PCDHGA4: variants seen among roughly 807,000 people sequenced by gnomAD.
PCDHGA4 encodes protocadherin gamma subfamily A, 4.
PCDHGA4 carries 38 observed loss-of-function variants against 54.6 expected under a neutral mutation model. The observed-to-expected ratio is 0.70, with a 90% confidence interval of 0.54 to 0.91. The LOEUF is 0.91. Ranked by LOEUF, PCDHGA4 falls within the 40% of genes least tolerant of loss-of-function variation. The pLI, the probability that PCDHGA4 is intolerant of heterozygous loss-of-function variation, is 0.00. For synonymous variants in PCDHGA4, 511 were observed against 512.9 expected, an observed-to-expected ratio of 1.00 and a Z score of 0.05; for missense variants, 1,298 against 1,220.9, an observed-to-expected ratio of 1.06 and a Z score of -0.94.
chr5:141,446,230 G>A (rs548647406), intron 1 of PCDHGA4, among the ~76,000 whole-genome samples: 22 of 152,208 alleles, frequency 1.4e-4, no homozygotes, highest in African/African-American at 4.6e-4. Context: ...GTGTTGCCTG[G>A]CAAGTGGTAG....
chr5:141,423,323 C>A (rs200492485), intron 1 of PCDHGA4: 91 of 1,614,146 alleles, frequency 5.6e-5, no homozygotes, highest in Non-Finnish European at 4.2e-6. Flanking sequence ...GTGGCGGTGG[C>A]CGCAGTCTCC....
At chr5:141,403,106 C>A (rs1311418325) in intron 1 of PCDHGA4, 1 of 1,614,066 alleles carries the variant, frequency 6.2e-7, no homozygotes. Context: ...CTCCAAGGAC[C>A]TGGCTCTGGA....
chr5:141,405,583 T>C (rs868246551), intron 1 of PCDHGA4: 1 of 588,746 alleles, frequency 1.7e-6, no homozygotes. Flanking sequence ...TAGCTGGGAC[T>C]ACAGGCCTCC....
rs1458508114 is a variant in PCDHGA4, at chr5:141,489,523, C to T, written c.2515-5284C>T. ...GAATCAAAAGATTGACCGAGAAAGC[C>T]TATGTGGAGCCAGCACCAGCTGCCT... On this transcript the variant is annotated intron_variant, in intron 1 of 3. Transcript: ENST00000571252. This position sits in a 1 kb window ranked among gnomAD's most constrained non-coding sequence, Gnocchi z 4.5. The T allele has an allele frequency of 3.5e-5, 56 of 1,614,006 alleles. No homozygotes were observed. The highest frequency in any genetic ancestry group is 4.5e-5 in the Non-Finnish European group (53 of 1,180,044).
chr5:141,422,869 T>A, intron 1 of PCDHGA4: 2 of 1,614,202 alleles, frequency 1.2e-6, no homozygotes, highest in Non-Finnish European at 1.7e-6. Context: ...CAGCAACGTG[T>A]CGCTGAGCCT....
rs1180919465 is a variant in PCDHGA4 at position 141,410,681 on chromosome 5, G to A, written c.2514+53060G>A. On this transcript the variant is annotated intron_variant, in intron 1 of 3. Coordinates refer to ENST00000571252, the MANE Select transcript of PCDHGA4 (RefSeq NM_018917.4). ...AGTCTACTAGTTTCTCATATTTTAG[G>A]CATACTACTTTATTTTCATATCTAG... The A allele has an allele frequency of 3.9e-6, 6 of 1,535,084 alleles. No homozygotes were observed. The East Asian group carries it at 1.4e-4, about 35-fold the overall frequency.
chr5:141,401,010 G>A (rs62378449), intron 1 of PCDHGA4, among the ~76,000 whole-genome samples: 17,448 of 152,052 alleles, frequency 0.11, 1,158 homozygotes, highest in African/African-American at 0.18. Context: ...CCTACCTAAT[G>A]GATTTATGAT....
chr5:141,423,482 A>G, intron 1 of PCDHGA4: 2 of 1,613,968 alleles, frequency 1.2e-6, no homozygotes, highest in African/African-American at 1.3e-5. Flanking sequence ...GCTTTCCTGC[A>G]AACCTATTCC....
chr5:141,427,726 T>G (rs2097061742), intron 1 of PCDHGA4: 1 of 1,155,034 alleles, frequency 8.7e-7, no homozygotes, highest in Non-Finnish European at 1.3e-6. Context: ...GACCTAGGGC[T>G]GAATGGCCAA....
chr5:141,371,897 G>A, intron 1 of PCDHGA4: 1 of 1,613,408 alleles, frequency 6.2e-7, no homozygotes, highest in Non-Finnish European at 8.5e-7. Flanking sequence ...CGCGGGAGCT[G>A]TCGTCCTACG....
chr5:141,508,507 TGGTCCAGCCCAACCTCAG>T (rs1377043623), intron 3 of PCDHGA4, among the ~76,000 whole-genome samples: 1 of 152,178 alleles, frequency 6.6e-6, no homozygotes, highest in Non-Finnish European at 1.5e-5. Flanking sequence ...CTCTCCCTCC[TGGTCCAGCCCAACCTCAG>T]GGCACCCCCC....
At chr5:141,418,072 G>A in intron 1 of PCDHGA4, 1 of 1,614,058 alleles carries the variant, frequency 6.2e-7, no homozygotes, top group Non-Finnish European at 8.5e-7. Context: ...TGAGCGCGGA[G>A]AAGCTGCACT....
rs759346998 is a variant in PCDHGA4, at chr5:141,410,849, CTTTTTTTTTT to C, written c.2514+53241_2514+53250del. Reference sequence around the variant, plus strand: ...CAGACTGAAGATATTTTGTCTTTGTCTTTTTTTTTTTTTTTTTTTTTTGAGATGGAGTCTC... The same window carrying C: ...CAGACTGAAGATATTTTGTCTTTGTCTTTTTTTTTTTTGAGATGGAGTCTC... On this transcript the variant is annotated intron_variant, in intron 1 of 3. Coordinates refer to ENST00000571252, the MANE Select transcript of PCDHGA4 (RefSeq NM_018917.4). 8 of 138,182 alleles carry C rather than the reference CTTTTTTTTTT, an allele frequency of 5.8e-5. 2 individuals are homozygous for C. The highest frequency in any genetic ancestry group is 7.3e-5 in the Non-Finnish European group (6 of 82,424). 8.6% of individuals were successfully genotyped at this position (138,182 alleles called of 1,614,324 possible). A position where few individuals can be genotyped will look rare whatever the true frequency, so the allele number is the denominator to read the frequency against.
chr5:141,357,012 G>C lies in PCDHGA4; in HGVS notation c.1905G>C (p.Leu635=). 1 of 1,614,174 alleles carries C rather than the reference G, an allele frequency of 6.2e-7. No individual in the cohort carries two copies. Among genetic ancestry groups the C allele is most frequent in the Non-Finnish European group, 8.5e-7 (1 of 1,180,004 alleles). ...VDRDSGQNAW[L]SYSLLKSSEP... ...GAGACTCAGGTCAGAATGCCTGGCTGTCCTACAGCCTACTCAAGTCCAGCG... is the reference window on the plus strand; with the variant it reads ...GAGACTCAGGTCAGAATGCCTGGCTCTCCTACAGCCTACTCAAGTCCAGCG... Residue 635 remains leucine (L), a synonymous_variant, in exon 1 of 4, where the codon CTG becomes CTC. Coordinates refer to ENST00000571252, the MANE Select transcript of PCDHGA4 (RefSeq NM_018917.4).
intron 1 of PCDHGA4, among the ~76,000 whole-genome samples, chr5:141,382,034 G>A (rs574726397): frequency 6.6e-5 from 10 of 151,712 alleles, no homozygotes; most frequent in African/African-American, 2.4e-4. Flanking sequence ...TCTCCATGTT[G>A]GTCAGGCTGG....
At chr5:141,408,226 GCGCCGGGCCGGCC>G (rs2095062452) in intron 1 of PCDHGA4, 1 of 1,562,288 alleles carries the variant, frequency 6.4e-7, no homozygotes, top group South Asian at 1.2e-5. Flanking sequence ...GCGCGCAGAG[GCGCCGGGCCGGCC>G]CGCGGCAGGT....
At chr5:141,422,013 G>A (rs755656791) in intron 1 of PCDHGA4, 1 of 1,610,536 alleles carries the variant, frequency 6.2e-7, no homozygotes. Context: ...GAACTCGGGT[G>A]CTGATGGTTA....
chr5:141,458,059 T>G (rs533147047), intron 1 of PCDHGA4, among the ~76,000 whole-genome samples: 39 of 152,358 alleles, frequency 2.6e-4, no homozygotes, highest in African/African-American at 8.9e-4. Context: ...CTTGCTGCAC[T>G]GATGCGAACA....
At chr5:141,387,838 A>AG (rs2091116111) in intron 1 of PCDHGA4, 1 of 1,598,608 alleles carries the variant, frequency 6.3e-7, no homozygotes, top group African/African-American at 1.3e-5. Flanking sequence ...GGTTATTTGT[A>AG]ACCCGGCGTC....
Sources: allele counts gnomAD v4.1 joint callset (sites outside exome capture counted in the v4.1 genomes callset), GRCh38; gene constraint gnomAD v4.1.1; non-coding constraint Gnocchi (gnomAD v3.1); transcripts MANE v1.5; gene names NCBI Gene and HGNC (gene_info 2026-07-23, HGNC 2026-07-21).